The following SUGT1 variants were observed in gnomAD, a reference collection of about 807,000 sequenced individuals.
The protein encoded by SUGT1 is SGT1 assembly cochaperone of MIS12 kinetochore complex, also known as protein SGT1 homolog.
A neutral mutation model predicts 56.1 loss-of-function variants in SUGT1; 15 were observed. That is an observed-to-expected ratio of 0.27 (90% CI 0.18 to 0.41). SUGT1 has a LOEUF of 0.41. Among genes scored for constraint, SUGT1 ranks in the 10% least tolerant of loss-of-function variants. The probability of loss-of-function intolerance (pLI) is 1.00; values close to 1 mark genes in which losing one functional copy is unlikely to be tolerated. For missense variants in SUGT1, 347 were observed against 382.2 expected, an observed-to-expected ratio of 0.91 and a Z score of 0.77; for synonymous variants, 123 against 128.6, an observed-to-expected ratio of 0.96 and a Z score of 0.30.
intron 3 of SUGT1, chr13:52,658,022 G>A (rs1962248346): frequency 2.8e-6 from 3 of 1,074,502 alleles, no homozygotes; most frequent in Non-Finnish European, 3.5e-6. Flanking sequence ...AGGAGTTCAA[G>A]ACCAGCCTGG....
At chr13:52,662,541 T>TTA in intron 5 of SUGT1, 108 bp from the exon 6 acceptor site, 1 of 1,031,360 alleles carries the variant, frequency 9.7e-7, no homozygotes. Flanking sequence ...CGCTGCCGAC[T>TTA]CCCCAGTGCC....
intron 3 of SUGT1, 62 bp from the exon 4 acceptor site, chr13:52,658,337 T>A (rs368413587): frequency 2.5e-6 from 4 of 1,596,782 alleles, no homozygotes; most frequent in Non-Finnish European, 1.7e-6. Context: ...CTGATTCATA[T>A]GTTGTGTGTA....
At position 52,658,485 on chromosome 13, in the gene SUGT1, C is replaced by T. The variant is rs1962269614; in HGVS notation, c.257+17C>T. 1.2e-6 allele frequency: 2 copies of T among 1,603,458 alleles called. No homozygotes were observed. The highest frequency in any genetic ancestry group is 1.3e-5 in the African/African-American group (1 of 74,494). Reference sequence around the variant, plus strand: ...GAGAAAAGGGTATGCAGTAGCTACTCTTCTTGTTGAGCTTGGTATAGATAG... The same window carrying T: ...GAGAAAAGGGTATGCAGTAGCTACTTTTCTTGTTGAGCTTGGTATAGATAG... On this transcript the variant is annotated intron_variant, in intron 4 of 12. Transcript: ENST00000310528.
intron 10 of SUGT1, among the ~76,000 whole-genome samples, chr13:52,673,074 T>C (rs1424474033): frequency 6.6e-6 from 1 of 152,206 alleles, no homozygotes; most frequent in Non-Finnish European, 1.5e-5. Context: ...TAGAATGGTA[T>C]GTTAATGGTT....
At chr13:52,656,266 C>G (rs1387470344) in intron 2 of SUGT1, among the ~76,000 whole-genome samples, 1 of 152,212 alleles carries the variant, frequency 6.6e-6, no homozygotes. Flanking sequence ...AAGCCCAACA[C>G]CCTGGAGTCA....
In SUGT1 at chr13:52,690,508, T is replaced by G. The variant is rs1368574085; in HGVS notation, c.*2673T>G. The G allele has an allele frequency of 6.6e-6, 1 of 152,248 alleles. No individual in the cohort carries two copies. The highest frequency in any genetic ancestry group is 1.5e-5 in the Non-Finnish European group (1 of 68,054). The allele number at this position is 152,248 out of a possible 1,614,324, so 9.4% of individuals were successfully genotyped here. A position where few individuals can be genotyped will look rare whatever the true frequency, so the allele number is the denominator to read the frequency against. On this transcript the variant is annotated 3_prime_UTR_variant, in exon 13 of 13. Transcript: ENST00000310528. ...CTTTTAAGGTTAGTCCTGGAATACA[T>G]GTTTTTCTTGGTCTTGTAGACTTCA... is the stretch of plus-strand genomic sequence containing the variant.
chr13:52,678,283 G>GA (rs1016272022), intron 11 of SUGT1, among the ~76,000 whole-genome samples: 2 of 151,906 alleles, frequency 1.3e-5, no homozygotes, highest in South Asian at 4.1e-4. Flanking sequence ...ATTTGGCCCT[G>GA]AAAAAAAACT....
In SUGT1 at chr13:52,670,994, T is replaced by A. The variant is rs147328514; in HGVS notation, c.627+4075T>A. On this transcript the variant is annotated intron_variant, in intron 10 of 12. Coordinates refer to ENST00000310528, the MANE Select transcript of SUGT1 (RefSeq NM_006704.5). ...CTGTCTTAGAAACAAAATAGCCTCC[T>A]TTTCTCTTCTCCCACTTTGAGAAGT... Among the ~76,000 whole-genome samples the A allele has an allele frequency of 3.4e-4, 51 of 152,196 alleles. 1 individual carries two copies. The highest frequency in any genetic ancestry group is 1.1e-3 in the African/African-American group (46 of 41,534).
chr13:52,691,227 C>T lies in SUGT1; in HGVS notation c.*3392C>T, dbSNP rs1212445790. ...TGAACTTCTGGGCTCAAGTTATCTA[C>T]CTGCCTCAGCCTACCCAAAGTGCTG... On this transcript the variant is annotated 3_prime_UTR_variant, in exon 13 of 13. Transcript: ENST00000310528. 6.6e-6 allele frequency: 1 copy of T among 151,904 alleles called. No individual in the cohort carries two copies. Among genetic ancestry groups the T allele is most frequent in the Non-Finnish European group, 1.5e-5 (1 of 67,976 alleles). The allele number at this position is 151,904 out of a possible 1,614,324, so 9.4% of individuals were successfully genotyped here. A position where few individuals can be genotyped will look rare whatever the true frequency, so the allele number is the denominator to read the frequency against.
chr13:52,654,316 CT>C (rs1378253285), intron 2 of SUGT1, among the ~76,000 whole-genome samples: 2 of 152,194 alleles, frequency 1.3e-5, no homozygotes, highest in Non-Finnish European at 2.9e-5. Context: ...ACAGCTATGA[CT>C]TTTAATTTAC....
rs543158759 is a variant in SUGT1, at chr13:52,697,629, C to G, written c.*9794C>G. On this transcript the variant is annotated 3_prime_UTR_variant, in exon 13 of 13. Coordinates refer to ENST00000310528, the MANE Select transcript of SUGT1 (RefSeq NM_006704.5). Reference sequence around the variant, plus strand: ...AACCCTCTTTGATGAGGGTTGTATACTTTATTTTTAAACAGTATCAACACC... The same window carrying G: ...AACCCTCTTTGATGAGGGTTGTATAGTTTATTTTTAAACAGTATCAACACC... 6.6e-6 allele frequency: 1 copy of G among 152,226 alleles called. No homozygotes were observed. Among genetic ancestry groups the G allele is most frequent in the Admixed American group, 6.5e-5 (1 of 15,274 alleles). 9.4% of individuals were successfully genotyped at this position (152,226 alleles called of 1,614,324 possible). A position where few individuals can be genotyped will look rare whatever the true frequency, so the allele number is the denominator to read the frequency against.
At position 52,680,034 on chromosome 13, in the gene SUGT1, G is replaced by T. The variant is rs753117626; in HGVS notation, c.779G>T (p.Gly260Val). ...ACAAGAAATTGGGATAAATTGGTTGGTGAGATCAAAGAAGAAGAAAAGAAT... is the reference window on the plus strand; with the variant it reads ...ACAAGAAATTGGGATAAATTGGTTGTTGAGATCAAAGAAGAAGAAAAGAAT... The part of the protein sequence containing the change: ...PYTRNWDKLV[G>V]EIKEEEKNEK... The change falls in exon 12 of 13, where the codon GGT becomes GTT. Residue 260 changes from glycine (G) to valine (V), a missense_variant. Physicochemically the swap from Gly to Val is moderately radical, Grantham distance 109. Transcript: ENST00000310528. 1 of 1,602,790 alleles carries T rather than the reference G, an allele frequency of 6.2e-7. No individual in the cohort carries two copies. The highest frequency in any genetic ancestry group is 1.4e-5 in the African/African-American group (1 of 74,042).
chr13:52,674,037 C>T (rs907799940), intron 10 of SUGT1, among the ~76,000 whole-genome samples: 1 of 147,980 alleles, frequency 6.8e-6, no homozygotes, highest in African/African-American at 2.5e-5. Context: ...ATGTAAATTA[C>T]ACCAAAGATA....
chr13:52,663,171 A>G (rs1442459816), intron 7 of SUGT1, 59 bp downstream of exon 7: 1 of 1,551,054 alleles, frequency 6.4e-7, no homozygotes, highest in Non-Finnish European at 8.8e-7. Flanking sequence ...GCTACCAAAT[A>G]TATTTGAGAC....
chr13:52,665,829 A>C, intron 9 of SUGT1, 96 bp downstream of exon 9: 3 of 763,814 alleles, frequency 3.9e-6, no homozygotes, highest in Non-Finnish European at 6.0e-6. Context: ...GATAAATGCT[A>C]TTTCTTCCTG....
At chr13:52,677,645 C>A (rs1963202119) in intron 11 of SUGT1, among the ~76,000 whole-genome samples, 1 of 152,108 alleles carries the variant, frequency 6.6e-6, no homozygotes, top group Non-Finnish European at 1.5e-5. Context: ...CAAGATTATC[C>A]CTCAGTTCTC....
chr13:52,688,717 G>C lies in SUGT1; in HGVS notation c.*882G>C, dbSNP rs900573408. The C allele has an allele frequency of 2.6e-5, 4 of 151,994 alleles. No homozygotes were observed. The highest frequency in any genetic ancestry group is 4.4e-5 in the Non-Finnish European group (3 of 68,022). The allele number at this position is 151,994 out of a possible 1,614,324, so 9.4% of individuals were successfully genotyped here. On this transcript the variant is annotated 3_prime_UTR_variant, in exon 13 of 13. Transcript: ENST00000310528. ...TGTGTATATGTTTAGTATTTACTCT[G>C]TGCCTAGAATATATAGATATCATGA...
At position 52,663,125 on chromosome 13, in the gene SUGT1, T is replaced by C; in HGVS notation, c.399+13T>C. ...AGAATCTGAGGTGGTAAGTCCAAAG[T>C]TTTCATTCTTCATGTTTTTATTATT... is the stretch of plus-strand genomic sequence containing the variant. On this transcript the variant is annotated intron_variant, in intron 7 of 12. Transcript: ENST00000310528. 1 of 1,606,924 alleles carries C rather than the reference T, an allele frequency of 6.2e-7. No homozygotes were observed.
At chr13:52,682,980 A>G (rs1048577570) in intron 12 of SUGT1, among the ~76,000 whole-genome samples, 2 of 152,246 alleles carry the variant, frequency 1.3e-5, no homozygotes, top group East Asian at 1.9e-4. Flanking sequence ...TTCTAGGAGT[A>G]TTTTTGGATA....
Sources: allele counts gnomAD v4.1 joint callset (sites outside exome capture counted in the v4.1 genomes callset), GRCh38; gene constraint gnomAD v4.1.1; transcripts MANE v1.5; gene names NCBI Gene and HGNC (gene_info 2026-07-23, HGNC 2026-07-21).